The following KIF14 variants were observed in gnomAD, a reference collection of about 807,000 sequenced individuals.
KIF14 encodes kinesin family member 14.
In KIF14, 98 loss-of-function variants were observed where a neutral mutation model predicts 176.2. The observed-to-expected ratio is 0.56, with a 90% CI of 0.47 to 0.66. The LOEUF (loss-of-function observed/expected upper bound fraction) is 0.66. KIF14 is among the 30% of genes least tolerant of loss of function. The probability of loss-of-function intolerance (pLI) is 0.00; values close to 1 mark genes in which losing one functional copy is unlikely to be tolerated. For synonymous variants in KIF14, 566 were observed against 632.2 expected (o/e 0.90, Z 1.57); for missense variants, 1,751 against 1,920.4 (o/e 0.91, Z 1.65).
intron 9 of KIF14, 45 bp downstream of exon 9, chr1:200,603,794 C>G: frequency 8.4e-7 from 1 of 1,192,048 alleles, no homozygotes; most frequent in Non-Finnish European, 1.3e-6. Context: ...AAATAATGAC[C>G]TCAGGAATAA....
intron 8 of KIF14, 62 bp downstream of exon 8, chr1:200,605,221 C>T (rs1202305251): frequency 2.0e-6 from 3 of 1,465,750 alleles, no homozygotes; most frequent in Non-Finnish European, 9.4e-7. Flanking sequence ...AAAAAAATAC[C>T]TTGGTCTGGG....
At chr1:200,617,523 C>T (rs1336964342) in intron 2 of KIF14, 89 bp downstream of exon 2, 6 of 1,303,484 alleles carry the variant, frequency 4.6e-6, no homozygotes, top group African/African-American at 3.0e-5. Context: ...TGAAGATGCA[C>T]GAATACACTG....
chr1:200,576,204 C>T (rs1310933006), intron 21 of KIF14, among the ~76,000 whole-genome samples: 3 of 152,064 alleles, frequency 2.0e-5, no homozygotes, highest in African/African-American at 4.8e-5. Context: ...TAAGGCCGGG[C>T]GCGGTGGCTC....
Position 200,580,363 on chromosome 1 carries a change from C to T in KIF14, c.3356G>A (p.Ser1119Asn). Reference sequence around the variant, plus strand: ...AACCCGAATAGAAGTGTCAGAACTACTTTTATCTGATATATCATGTCTGAA... The same window carrying T: ...AACCCGAATAGAAGTGTCAGAACTATTTTTATCTGATATATCATGTCTGAA... ...VFGRHDISDK[S>N]SSDTSIRVRN... Residue 1119 changes from serine to asparagine, a missense_variant, in exon 21 of 30, where the codon AGT (serine) becomes AAT (asparagine). Physicochemically the swap from Ser to Asn is conservative, Grantham distance 46. Transcript: ENST00000367350. The T allele has an allele frequency of 1.3e-6, 2 of 1,510,440 alleles. No homozygotes were observed. The highest frequency in any genetic ancestry group is 1.8e-6 in the Non-Finnish European group (2 of 1,124,028). 93.6% of individuals were successfully genotyped at this position (1,510,440 alleles called of 1,614,324 possible).
chr1:200,584,958 C>G (rs1160112518), intron 19 of KIF14, among the ~76,000 whole-genome samples: 1 of 152,098 alleles, frequency 6.6e-6, no homozygotes, highest in Non-Finnish European at 1.5e-5. Flanking sequence ...TCTAATAACA[C>G]CACCAAAAGT....
In KIF14 at chr1:200,580,273, G is replaced by A. The variant is rs1658369723; in HGVS notation, c.3446C>T (p.Ala1149Val). The part of the protein sequence containing the change: ...SLEKFESKLA[A>V]MKELYESNGS... ...CCAAACCTCATAAAGTTCTTTCATT[G>A]CTGCAAGTTTAGATTCAAACTTTTC... Residue 1149 changes from alanine (A) to valine (V), a missense_variant, in exon 21 of 30, where the codon GCA becomes GTA. By Grantham distance (64) the Ala-to-Val change is moderately conservative. Coordinates refer to ENST00000367350, the MANE Select transcript of KIF14 (RefSeq NM_014875.3). The A allele has an allele frequency of 3.5e-6, 5 of 1,444,914 alleles. No homozygotes were observed. Among genetic ancestry groups the A allele is most frequent in the Non-Finnish European group, 4.6e-6 (5 of 1,087,120 alleles). The allele number at this position is 1,444,914 out of a possible 1,614,324, so 89.5% of individuals were successfully genotyped here.
Position 200,603,889 on chromosome 1 carries a change from C to T in KIF14, c.1813G>A (p.Ala605Thr). The T allele has an allele frequency of 6.2e-7, 1 of 1,613,802 alleles. No homozygotes were observed. The highest frequency in any genetic ancestry group is 8.5e-7 in the Non-Finnish European group (1 of 1,179,720). Residue 605 changes from alanine to threonine, a missense_variant, in exon 9 of 30, where the codon GCA becomes ACA. By Grantham distance (58) the Ala-to-Thr change is moderately conservative. Coordinates refer to ENST00000367350, the MANE Select transcript of KIF14 (RefSeq NM_014875.3). Reference protein sequence around the residue: ...ITSRINLIDLAGSERCSTAHT... With the variant: ...ITSRINLIDLTGSERCSTAHT... ...GCCGTAGAGCAGCGCTCACTGCCTGCCAGATCTATTAGGTTAATTCGACTT... is the reference window on the plus strand; with the variant it reads ...GCCGTAGAGCAGCGCTCACTGCCTGTCAGATCTATTAGGTTAATTCGACTT...
chr1:200,553,330 C>A lies in KIF14; in HGVS notation c.*58G>T. ...AAACTCTCCTGCATAAAGAAAATTA[C>A]CGAGCAAGTGTTCTTTTTCTTTCAT... is the stretch of plus-strand genomic sequence containing the variant. On this transcript the variant is annotated 3_prime_UTR_variant, in exon 30 of 30. Transcript: ENST00000367350. 6.7e-7 allele frequency: 1 copy of A among 1,493,258 alleles called. No homozygotes were observed. The highest frequency in any genetic ancestry group is 9.0e-7 in the Non-Finnish European group (1 of 1,115,572). The allele number at this position is 1,493,258 out of a possible 1,614,324, so 92.5% of individuals were successfully genotyped here.
chr1:200,598,137 C>T, intron 14 of KIF14, 100 bp downstream of exon 14: 2 of 1,011,966 alleles, frequency 2.0e-6, no homozygotes, highest in Non-Finnish European at 2.9e-6. Context: ...AAGAATTCTA[C>T]CAAACGATCA....
At chr1:200,566,301 G>C (rs1657447021) in intron 23 of KIF14, among the ~76,000 whole-genome samples, 1 of 149,338 alleles carries the variant, frequency 6.7e-6, no homozygotes, top group African/African-American at 2.5e-5. Flanking sequence ...TTTTTTAAGA[G>C]ACAGGGTTGG....
At chr1:200,560,271 G>C (rs537072136) in intron 26 of KIF14, among the ~76,000 whole-genome samples, 2 of 108,362 alleles carry the variant, frequency 1.8e-5, no homozygotes, top group South Asian at 7.3e-4. Context: ...TGGTTGTTTG[G>C]TTTTGTTGGG....
chr1:200,568,618 C>T (rs1032175463), intron 23 of KIF14, among the ~76,000 whole-genome samples: 2 of 151,878 alleles, frequency 1.3e-5, no homozygotes, highest in African/African-American at 4.8e-5. Flanking sequence ...ATCTGTAAAC[C>T]CCACTTAGCT....
chr1:200,571,458 T>G (rs574107706), intron 22 of KIF14, among the ~76,000 whole-genome samples: 2 of 152,208 alleles, frequency 1.3e-5, no homozygotes, highest in Non-Finnish European at 2.9e-5. Context: ...ATCTCCATAT[T>G]GCCGTTCATC....
intron 27 of KIF14, among the ~76,000 whole-genome samples, chr1:200,557,434 C>T (rs755630427): frequency 7.9e-5 from 12 of 152,268 alleles, no homozygotes; most frequent in East Asian, 1.9e-4. Flanking sequence ...TTTTCGTATA[C>T]GTTGTTTCTT....
Position 200,565,533 on chromosome 1 carries a change from G to A in KIF14, c.3798C>T (p.Ser1266=), listed in dbSNP as rs757021026. The A allele has an allele frequency of 6.2e-7, 1 of 1,610,998 alleles. No individual in the cohort carries two copies. The highest frequency in any genetic ancestry group is 8.5e-7 in the Non-Finnish European group (1 of 1,178,980). The change falls in exon 24 of 30, where the codon AGC becomes AGT. Residue 1266 remains serine (S), a synonymous_variant. Coordinates refer to ENST00000367350, the MANE Select transcript of KIF14 (RefSeq NM_014875.3). ...SYDEERTIAD[S]LINSFLKIYN... ...AAATTTTAAGAAAACTATTAATTAG[G>A]CTGTCTGCTATAGTTCTTTCTTCAT... is the stretch of plus-strand genomic sequence containing the variant.
chr1:200,573,308 C>A (rs1571485840), intron 22 of KIF14, among the ~76,000 whole-genome samples: 1 of 151,868 alleles, frequency 6.6e-6, no homozygotes, highest in Non-Finnish European at 1.5e-5. Context: ...GTCACTTGTA[C>A]ATGACTACAC....
At chr1:200,604,049 C>A in intron 8 of KIF14, 94 bp from the exon 9 acceptor site, 1 of 740,862 alleles carries the variant, frequency 1.3e-6, no homozygotes, top group African/African-American at 1.8e-5. Context: ...TTACACATCA[C>A]TCTTTTATTT....
chr1:200,563,532 G>T (rs918959653), intron 25 of KIF14, among the ~76,000 whole-genome samples: 7 of 151,666 alleles, frequency 4.6e-5, no homozygotes, highest in Non-Finnish European at 8.8e-5. Context: ...AAAATCAGCT[G>T]GCTGATTTTT....
rs1007772859 is a variant in KIF14 at position 200,589,490 on chromosome 1, G to A, written c.2962-121C>T. 5.3e-6 allele frequency: 4 copies of A among 759,450 alleles called. No homozygotes were observed. In the Admixed American group the frequency reaches 9.3e-5, roughly 18 times the overall value. The allele number at this position is 759,450 out of a possible 1,614,324, so 47.0% of individuals were successfully genotyped here. ...CTAATAGAAAAGTTGCCCTATTAAA[G>A]CTTCTCCACTTCATTCAGGTTAACT... On this transcript the variant is annotated intron_variant, in intron 17 of 29. Transcript: ENST00000367350.
Sources: gnomAD v4.1 joint callset for allele counts (sites outside exome capture counted in the v4.1 genomes callset) on GRCh38, gnomAD v4.1.1 for gene constraint, MANE v1.5 for transcripts, NCBI Gene and HGNC (gene_info 2026-07-23, HGNC 2026-07-21) for gene names.